The following MAST4 variants were observed in gnomAD, a reference collection of about 807,000 sequenced individuals.
MAST4 encodes microtubule-associated serine/threonine-protein kinase 4.
Under a neutral mutation model 162.7 loss-of-function variants are expected in MAST4, and 89 were observed. The observed-to-expected ratio is 0.55, with a 90% CI of 0.46 to 0.65. The LOEUF is 0.65. MAST4 is among the 30% of genes least tolerant of loss of function. MAST4 has a pLI of 0.00. For synonymous variants in MAST4, 1,479 were observed against 1,361.1 expected (o/e 1.09, Z -1.91); for missense variants, 3,153 against 3,374.0 (o/e 0.93, Z 1.62).
chr5:67,123,944 GCA>G (rs5868476), intron 14 of MAST4, among the ~76,000 whole-genome samples: 57,990 of 151,764 alleles, frequency 0.38, 13,848 homozygotes, highest in African/African-American at 0.69. Context: ...CTTTCCTCTG[GCA>G]CACACACACC....
At position 67,164,332 on chromosome 5, in the gene MAST4, T is replaced by C. The variant is rs375341543; in HGVS notation, c.5153T>C (p.Leu1718Pro). The C allele has an allele frequency of 1.5e-4, 248 of 1,613,850 alleles. No homozygotes were observed. Among genetic ancestry groups the C allele is most frequent in the Non-Finnish European group, 2.0e-4 (236 of 1,179,884 alleles). Reference sequence around the variant, plus strand: ...ATGACAGCTGGCTCCCACGAATGCCTGCCAGGGAACCCAGTCCGACCCACG... The same window carrying C: ...ATGACAGCTGGCTCCCACGAATGCCCGCCAGGGAACCCAGTCCGACCCACG... The part of the protein sequence containing the change: ...PKMTAGSHEC[L>P]PGNPVRPTGG... The change falls in exon 29 of 29, where the codon CTG becomes CCG. Residue 1718 changes from leucine (L) to proline (P), a missense_variant. By Grantham distance (98) the Leu-to-Pro change is moderately conservative (BLOSUM62 -3). Coordinates refer to ENST00000403625, the MANE Select transcript of MAST4 (RefSeq NM_001164664.2). The surrounding 1 kb of genome is among the most constrained non-coding windows in gnomAD (Gnocchi z 5.3).
intron 5 of MAST4, among the ~76,000 whole-genome samples, chr5:67,082,147 CTTTT>C (rs60811351): frequency 8.0e-6 from 1 of 125,780 alleles, no homozygotes. Context: ...TACCTGTAAT[CTTTT>C]TTTTTTTTTT....
intron 3 of MAST4, among the ~76,000 whole-genome samples, chr5:66,837,884 ATATATATATATTTTTTTTTTTT>A (rs1211294599): frequency 3.5e-4 from 27 of 77,490 alleles, no homozygotes; most frequent in African/African-American, 1.4e-3. Flanking sequence ...ATATATATAT[ATATATATATATTTTTTTTTTTT>A]TTTTTTTTTT....
chr5:66,615,837 C>G (rs758692492), intron 1 of MAST4, among the ~76,000 whole-genome samples: 3 of 152,168 alleles, frequency 2.0e-5, no homozygotes, highest in Non-Finnish European at 4.4e-5. Flanking sequence ...GAGATCCAGA[C>G]AGACTGAAAA....
chr5:66,743,905 G>A (rs1180727201), intron 1 of MAST4, among the ~76,000 whole-genome samples: 1 of 152,164 alleles, frequency 6.6e-6, no homozygotes, highest in African/African-American at 2.4e-5. Flanking sequence ...TGGTTCTACA[G>A]TGGGACACAG....
chr5:66,760,589 G>A (rs535358268), intron 2 of MAST4, among the ~76,000 whole-genome samples: 225 of 152,254 alleles, frequency 1.5e-3, no homozygotes, highest in African/African-American at 5.1e-3. Context: ...GATCTGCTCT[G>A]TTATTATAGA....
chr5:67,161,782 T>C (rs1028565447), intron 27 of MAST4, among the ~76,000 whole-genome samples: 2 of 152,246 alleles, frequency 1.3e-5, no homozygotes, highest in African/African-American at 4.8e-5. Flanking sequence ...ATCTTCTTTA[T>C]TATTATGCTT....
intron 2 of MAST4, among the ~76,000 whole-genome samples, chr5:66,765,742 C>T (rs894655041): frequency 3.9e-5 from 6 of 152,224 alleles, no homozygotes; most frequent in African/African-American, 1.4e-4. Flanking sequence ...CCCAAAACCC[C>T]ATAATTTCAC....
intron 1 of MAST4, among the ~76,000 whole-genome samples, chr5:66,623,982 A>G (rs1744244622): frequency 6.6e-6 from 1 of 152,224 alleles, no homozygotes; most frequent in African/African-American, 2.4e-5. Flanking sequence ...CTCTAAAAGG[A>G]AAATTAAGAG....
At chr5:66,788,607 C>CCCAGCAAAAACAA in intron 2 of MAST4, 63 bp from the exon 3 acceptor site, 1 of 1,373,728 alleles carries the variant, frequency 7.3e-7, no homozygotes, top group Non-Finnish European at 1.0e-6. Flanking sequence ...CCCCCACCCC[C>CCCAGCAAAAACAA]ATTGCAATAA....
intron 1 of MAST4, among the ~76,000 whole-genome samples, chr5:66,603,609 C>T (rs1742686302): frequency 6.6e-6 from 1 of 152,172 alleles, no homozygotes; most frequent in Admixed American, 6.5e-5. Context: ...GTTAGGAATG[C>T]AATAGAACTT....
intron 2 of MAST4, among the ~76,000 whole-genome samples, chr5:66,766,405 G>C (rs1754098590): frequency 6.6e-6 from 1 of 152,160 alleles, no homozygotes; most frequent in African/African-American, 2.4e-5. Context: ...TTTTAAAGCT[G>C]TTAGAATCAT....
At chr5:67,148,220 A>C (rs1771343307) in intron 23 of MAST4, among the ~76,000 whole-genome samples, 1 of 152,222 alleles carries the variant, frequency 6.6e-6, no homozygotes, top group Non-Finnish European at 1.5e-5. Context: ...AAAGGTGATG[A>C]GACAGTTGAT....
intron 1 of MAST4, among the ~76,000 whole-genome samples, chr5:66,606,294 C>A (rs1433231535): frequency 6.6e-6 from 1 of 152,052 alleles, no homozygotes; most frequent in East Asian, 1.9e-4. Context: ...CTTGTTCTCA[C>A]CTTGTTGCTT....
At chr5:66,767,420 G>C (rs560308426) in intron 2 of MAST4, among the ~76,000 whole-genome samples, 1 of 152,194 alleles carries the variant, frequency 6.6e-6, no homozygotes, top group South Asian at 2.1e-4. Context: ...TAGGACTGTG[G>C]AATCACAGAA....
intron 14 of MAST4, among the ~76,000 whole-genome samples, chr5:67,127,960 C>T (rs1473043501): frequency 2.6e-5 from 4 of 152,228 alleles, no homozygotes; most frequent in African/African-American, 9.6e-5. Context: ...ACCAGACTTA[C>T]AATATATTGT....
chr5:66,750,764 A>G (rs1021946957), intron 1 of MAST4, among the ~76,000 whole-genome samples: 3 of 152,196 alleles, frequency 2.0e-5, no homozygotes, highest in Admixed American at 1.3e-4. Flanking sequence ...AACAAAGCAG[A>G]GGGGAAGCTC....
At chr5:67,041,788 C>T (rs1756776366) in intron 4 of MAST4, among the ~76,000 whole-genome samples, 2 of 152,156 alleles carry the variant, frequency 1.3e-5, no homozygotes, top group South Asian at 2.1e-4. Context: ...GCCACCACAC[C>T]CAGCTAATTT....
intron 3 of MAST4, among the ~76,000 whole-genome samples, chr5:66,817,292 C>T (rs1234274938): frequency 6.6e-6 from 1 of 152,190 alleles, no homozygotes; most frequent in African/African-American, 2.4e-5. Flanking sequence ...GTACTTCTGA[C>T]TCAGGGCATT....
Sources: allele counts gnomAD v4.1 joint callset (sites outside exome capture counted in the v4.1 genomes callset), GRCh38; gene constraint gnomAD v4.1.1; non-coding constraint Gnocchi (gnomAD v3.1); transcripts MANE v1.5; gene names NCBI Gene and HGNC (gene_info 2026-07-23, HGNC 2026-07-21).